Variants in CAPG observed in about 807,000 individuals in gnomAD.
CAPG encodes capping actin protein, gelsolin like, also known as macrophage-capping protein.
In CAPG, 32 loss-of-function variants were observed where a neutral mutation model predicts 44.6. That is an observed-to-expected ratio of 0.72 (90% CI 0.54 to 0.96). The LOEUF (loss-of-function observed/expected upper bound fraction) is 0.96. Ranked by LOEUF, CAPG falls within the 50% of genes least tolerant of loss-of-function variation. The probability of loss-of-function intolerance (pLI) is 0.00; values close to 1 mark genes in which losing one functional copy is unlikely to be tolerated. For missense variants in CAPG, 412 were observed against 438.3 expected, an observed-to-expected ratio of 0.94 and a Z score of 0.54; for synonymous variants, 175 against 179.6, an observed-to-expected ratio of 0.97 and a Z score of 0.20.
At chr2:85,392,321 C>T (rs1422917371), downstream of CAPG, among the ~76,000 whole-genome samples, 1 of 147,016 alleles carries the variant, frequency 6.8e-6, no homozygotes, top group African/African-American at 2.5e-5. Context: ...ACCCGGGAGG[C>T]GGAGTTTGCA....
chr2:85,397,885 T>C, intron 8 of CAPG, 135 bp downstream of exon 8: 1 of 862,738 alleles, frequency 1.2e-6, no homozygotes, highest in South Asian at 1.8e-5. Context: ...AGAGAGAAAA[T>C]GGTCAGCCAG....
upstream of CAPG, among the ~76,000 whole-genome samples, chr2:85,411,601 C>T (rs539567734): frequency 1.3e-5 from 2 of 152,234 alleles, no homozygotes; most frequent in Non-Finnish European, 2.9e-5. Context: ...ACCTAGCCGG[C>T]CTGTCCTGGA....
chr2:85,414,221 T>G (rs964990390), upstream of CAPG: 1 of 152,232 alleles, frequency 6.6e-6, no homozygotes, highest in African/African-American at 2.4e-5. Context: ...TGCGAGAGAA[T>G]TGCAGTGTTC....
intron 5 of CAPG, among the ~76,000 whole-genome samples, chr2:85,400,122 C>G (rs965823197): frequency 6.6e-6 from 1 of 152,190 alleles, no homozygotes; most frequent in African/African-American, 2.4e-5. Context: ...AGAAAGTGAG[C>G]TTCATTAGGA....
intron 5 of CAPG, 64 bp downstream of exon 5, chr2:85,401,101 T>G: frequency 6.7e-7 from 1 of 1,494,758 alleles, no homozygotes; most frequent in Non-Finnish European, 9.2e-7. Context: ...CCTGGCCTCC[T>G]GCCCCTCCGT....
downstream of CAPG, among the ~76,000 whole-genome samples, chr2:85,391,993 C>T (rs1686390060): frequency 6.6e-6 from 1 of 152,188 alleles, no homozygotes; most frequent in African/African-American, 2.4e-5. Flanking sequence ...AGCCAGTGGA[C>T]GAGGTAGCCC....
At chr2:85,410,845 T>C (rs1205291390), upstream of CAPG, among the ~76,000 whole-genome samples, 1 of 151,292 alleles carries the variant, frequency 6.6e-6, no homozygotes. Flanking sequence ...TTTTTTAAGA[T>C]CAGTTTTTTG....
At chr2:85,412,573 A>G (rs1687447354), upstream of CAPG, among the ~76,000 whole-genome samples, 1 of 152,074 alleles carries the variant, frequency 6.6e-6, no homozygotes, top group Non-Finnish European at 1.5e-5. Flanking sequence ...GAGGAGGGAG[A>G]GATTCAGGAA....
chr2:85,403,498 T>C (rs1351746052), intron 1 of CAPG, among the ~76,000 whole-genome samples: 1 of 152,246 alleles, frequency 6.6e-6, no homozygotes, highest in African/African-American at 2.4e-5. Flanking sequence ...ATTCATCCTA[T>C]GCTGCCAACA....
upstream of CAPG, chr2:85,413,922 G>C (rs771801957): frequency 3.3e-5 from 5 of 152,268 alleles, no homozygotes; most frequent in African/African-American, 7.2e-5. Flanking sequence ...GGCTAAGCCC[G>C]TTCGACCCCT....
At chr2:85,408,380 A>ACACACACACACACACACACAC (rs1687269825) in intron 1 of CAPG, among the ~76,000 whole-genome samples, 1 of 131,884 alleles carries the variant, frequency 7.6e-6, no homozygotes, top group African/African-American at 2.8e-5. Flanking sequence ...ACACACACAC[A>ACACACACACACACACACACAC]AGCCCCCTTA....
upstream of CAPG, among the ~76,000 whole-genome samples, chr2:85,414,285 G>A (rs1446175748): frequency 6.6e-6 from 1 of 152,212 alleles, no homozygotes; most frequent in Non-Finnish European, 1.5e-5. Flanking sequence ...AACAGCTACT[G>A]TTCTGTGAGA....
At chr2:85,408,596 G>A (rs992509264) in intron 1 of CAPG, 1 of 152,296 alleles carries the variant, frequency 6.6e-6, no homozygotes, top group African/African-American at 2.4e-5. Flanking sequence ...CCAGCAAAGA[G>A]TCTATTCCAT....
chr2:85,406,288 C>T (rs1687151444), intron 1 of CAPG, among the ~76,000 whole-genome samples: 1 of 147,054 alleles, frequency 6.8e-6, no homozygotes, highest in African/African-American at 2.5e-5. Context: ...TTTGGCTGCT[C>T]ATTAGAATGA....
intron 5 of CAPG, among the ~76,000 whole-genome samples, chr2:85,400,949 A>AGAGGCTTCCAAGAGGAGGGAG (rs1686854323): frequency 6.6e-6 from 1 of 152,238 alleles, no homozygotes; most frequent in African/African-American, 2.4e-5. Context: ...AGAGGAGGGA[A>AGAGGCTTCCAAGAGGAGGGAG]AAAGCTCCAG....
At chr2:85,405,626 G>A (rs528060673) in intron 1 of CAPG, among the ~76,000 whole-genome samples, 2 of 152,246 alleles carry the variant, frequency 1.3e-5, no homozygotes, top group South Asian at 2.1e-4. Context: ...ACAGGTCAAG[G>A]GCAGTGATAA....
intron 1 of CAPG, among the ~76,000 whole-genome samples, chr2:85,415,568 T>C (rs958060786): frequency 1.3e-5 from 2 of 152,202 alleles, no homozygotes; most frequent in African/African-American, 4.8e-5. Flanking sequence ...TCCACCATAA[T>C]GTTAGCACCT....
chr2:85,414,767 T>C (rs1395117022), upstream of CAPG, among the ~76,000 whole-genome samples: 1 of 152,180 alleles, frequency 6.6e-6, no homozygotes, highest in Non-Finnish European at 1.5e-5. Flanking sequence ...TGATCTGACC[T>C]GCAACACCTG....
chr2:85,413,374 G>A (rs1474662319), upstream of CAPG: 1 of 152,282 alleles, frequency 6.6e-6, no homozygotes, highest in African/African-American at 2.4e-5. Flanking sequence ...GAGGTCAGAA[G>A]TTCGAGACCA....
Sources: allele counts gnomAD v4.1 joint callset (sites outside exome capture counted in the v4.1 genomes callset), GRCh38; gene constraint gnomAD v4.1.1; transcripts MANE v1.5; gene names NCBI Gene and HGNC (gene_info 2026-07-23, HGNC 2026-07-21).